Variants in ARHGAP31 observed in about 807,000 individuals in gnomAD.
ARHGAP31 encodes rho GTPase-activating protein 31.
A neutral mutation model predicts 113.9 loss-of-function variants in ARHGAP31; 34 were observed. The observed-to-expected ratio is 0.30, with a 90% confidence interval of 0.23 to 0.40. The LOEUF is 0.40. Ranked by LOEUF, ARHGAP31 falls within the 10% of genes least tolerant of loss-of-function variation. ARHGAP31 has a pLI of 1.00. For missense variants in ARHGAP31, 1,548 were observed against 1,767.1 expected (o/e 0.88, Z 2.22); for synonymous variants, 650 against 684.8 (o/e 0.95, Z 0.79).
At chr3:119,298,660 C>T (rs2079554391) in intron 1 of ARHGAP31, 2 of 152,452 alleles carry the variant, frequency 1.3e-5, no homozygotes, top group Admixed American at 1.3e-4. Context: ...TACCGAGCTT[C>T]CAAGCTGACA....
At position 119,415,884 on chromosome 3, in the gene ARHGAP31, G is replaced by A. The variant is rs761270658; in HGVS notation, c.3955G>A (p.Asp1319Asn). The A allele has an allele frequency of 1.9e-6, 3 of 1,614,080 alleles. No homozygotes were observed. In the African/African-American group the frequency reaches 4.0e-5, roughly 22 times the overall value. Reference protein sequence around the residue: ...KRMSETEPSGDNLLSSKLERP... With the variant: ...KRMSETEPSGNNLLSSKLERP... ...CATGTCAGAGACAGAGCCATCTGGG[G>A]ACAACCTTCTTTCTTCAAAACTAGA... is the stretch of plus-strand genomic sequence containing the variant. The change falls in exon 12 of 12, where the codon GAC becomes AAC. Residue 1319 changes from aspartate to asparagine, a missense_variant. Physicochemically the swap from Asp to Asn is conservative, Grantham distance 23. Coordinates refer to ENST00000264245, the MANE Select transcript of ARHGAP31 (RefSeq NM_020754.4).
At chr3:119,389,640 T>G (rs1488802119) in intron 6 of ARHGAP31, among the ~76,000 whole-genome samples, 1 of 152,188 alleles carries the variant, frequency 6.6e-6, no homozygotes, top group Admixed American at 6.5e-5. Context: ...AGGCCCTTTT[T>G]CAATGGTTTT....
At chr3:119,383,673 A>G (rs2080423179) in intron 6 of ARHGAP31, among the ~76,000 whole-genome samples, 1 of 152,210 alleles carries the variant, frequency 6.6e-6, no homozygotes, top group South Asian at 2.1e-4. Context: ...AAGAGGCAGC[A>G]TGTTCATACT....
At chr3:119,393,660 G>A (rs1485133689) in intron 8 of ARHGAP31, 69 bp downstream of exon 8, 5 of 1,582,228 alleles carry the variant, frequency 3.2e-6, no homozygotes, top group Non-Finnish European at 4.3e-6. Context: ...TAAGTCTTTG[G>A]TTTGATCATA....
intron 1 of ARHGAP31, among the ~76,000 whole-genome samples, chr3:119,317,004 C>T (rs1447999407): frequency 6.6e-6 from 1 of 152,180 alleles, no homozygotes; most frequent in Non-Finnish European, 1.5e-5. Context: ...AGGTTTACTC[C>T]AGAAGCTTTC....
intron 1 of ARHGAP31, chr3:119,330,092 A>T (rs1336724507): frequency 1.2e-6 from 1 of 841,072 alleles, no homozygotes; most frequent in Admixed American, 6.2e-5. Context: ...AACTGATCTA[A>T]TCACCCCAAT....
At position 119,294,458 on chromosome 3, in the gene ARHGAP31, G is replaced by C. The variant is rs988533168; in HGVS notation, c.-447G>C. 2.5e-6 allele frequency: 1 copy of C among 405,516 alleles called. No homozygotes were observed. The highest frequency in any genetic ancestry group is 4.4e-5 in the Admixed American group (1 of 22,888). The allele number at this position is 405,516 out of a possible 1,614,324, so 25.1% of individuals were successfully genotyped here. ...CAAAGTCGTCTGAAGGCGAGACAGC[G>C]GGCCCAGGGCGCAGGACCCACCGCA... On this transcript the variant is annotated 5_prime_UTR_variant, in exon 1 of 12. Transcript: ENST00000264245.
chr3:119,400,463 AT>A lies in ARHGAP31; in HGVS notation c.1069+1203del, dbSNP rs200765891. Among the ~76,000 whole-genome samples, 365 of 151,902 alleles carry A rather than the reference AT, an allele frequency of 2.4e-3. 2 individuals are homozygous for A. Among genetic ancestry groups the A allele is most frequent in the African/African-American group, 7.0e-3 (291 of 41,410 alleles). On this transcript the variant is annotated intron_variant, in intron 9 of 11. Transcript: ENST00000264245. ...CACTCCAGCCTGTCTCAAAAAAAAA[AT>A]AATAATAATTCTAAACCTGTATAAC...
At chr3:119,375,432 G>C (rs922951977) in intron 3 of ARHGAP31, among the ~76,000 whole-genome samples, 1 of 151,928 alleles carries the variant, frequency 6.6e-6, no homozygotes, top group Non-Finnish European at 1.5e-5. Context: ...CCTTTGCCCT[G>C]CTCCTATATA....
chr3:119,331,308 C>T (rs1465299071), intron 1 of ARHGAP31, among the ~76,000 whole-genome samples: 5 of 152,056 alleles, frequency 3.3e-5, no homozygotes, highest in South Asian at 2.1e-4. Context: ...GAAAAAAAGA[C>T]GATCAAAATC....
intron 1 of ARHGAP31, among the ~76,000 whole-genome samples, chr3:119,343,906 C>A (rs184502101): frequency 6.6e-6 from 1 of 152,218 alleles, no homozygotes; most frequent in Non-Finnish European, 1.5e-5. Context: ...AGTTCCTCCT[C>A]CTGGTGGAAG....
chr3:119,405,244 T>A (rs2107642432), intron 10 of ARHGAP31, among the ~76,000 whole-genome samples: 1 of 152,248 alleles, frequency 6.6e-6, no homozygotes, highest in East Asian at 1.9e-4. Context: ...ATTCTATTAG[T>A]TAAGGTACAG....
At chr3:119,303,646 G>A (rs951424053) in intron 1 of ARHGAP31, among the ~76,000 whole-genome samples, 7 of 152,110 alleles carry the variant, frequency 4.6e-5, no homozygotes, top group African/African-American at 9.7e-5. Flanking sequence ...ACCAGCTCTC[G>A]CTGTCATAGA....
At chr3:119,298,765 A>T in intron 1 of ARHGAP31, 1 of 166,716 alleles carries the variant, frequency 6.0e-6, no homozygotes, top group Non-Finnish European at 1.3e-5. Context: ...CCCAAGGACA[A>T]GGCTATTAAG....
At position 119,413,917 on chromosome 3, in the gene ARHGAP31, T is replaced by C. The variant is rs772179746; in HGVS notation, c.1988T>C (p.Ile663Thr). ...WPEIQQELKI[I>T]ESEEELSSLP... ...GAGATTCAACAGGAGCTGAAAATCATTGAATCTGAGGAGGAGCTCTCATCG... is the reference window on the plus strand; with the variant it reads ...GAGATTCAACAGGAGCTGAAAATCACTGAATCTGAGGAGGAGCTCTCATCG... Residue 663 changes from isoleucine (I) to threonine (T), a missense_variant, in exon 12 of 12, where the codon ATT becomes ACT. Ile to Thr is a moderately conservative substitution (Grantham distance 89, BLOSUM62 -1). Transcript: ENST00000264245. The C allele has an allele frequency of 1.2e-5, 19 of 1,614,222 alleles. No individual in the cohort carries two copies. Among genetic ancestry groups the C allele is most frequent in the Middle Eastern group, 1.6e-4 (1 of 6,062 alleles).
intron 8 of ARHGAP31, among the ~76,000 whole-genome samples, chr3:119,398,626 A>G (rs2080572269): frequency 6.6e-6 from 1 of 152,234 alleles, no homozygotes; most frequent in African/African-American, 2.4e-5. Flanking sequence ...GTCACAGAGT[A>G]AGTGTGCAAA....
chr3:119,380,877 C>A, intron 3 of ARHGAP31, 27 bp from the exon 4 acceptor site: 1 of 1,608,446 alleles, frequency 6.2e-7, no homozygotes. Flanking sequence ...AAGCACTCAC[C>A]AGGCTGCCTT....
chr3:119,392,228 G>A (rs146517580), intron 7 of ARHGAP31, among the ~76,000 whole-genome samples: 18,304 of 152,176 alleles, frequency 0.12, 1,208 homozygotes, highest in South Asian at 0.18. Flanking sequence ...TGGGAGGATC[G>A]TTTGAGCCCA....
chr3:119,413,056 C>A (rs971169954), intron 11 of ARHGAP31, among the ~76,000 whole-genome samples: 1 of 151,856 alleles, frequency 6.6e-6, no homozygotes, highest in Non-Finnish European at 1.5e-5. Context: ...GTGGCTCACA[C>A]CTGTTAATCC....
Sources: gnomAD v4.1 joint callset for allele counts (sites outside exome capture counted in the v4.1 genomes callset) on GRCh38, gnomAD v4.1.1 for gene constraint, MANE v1.5 for transcripts, NCBI Gene and HGNC (gene_info 2026-07-23, HGNC 2026-07-21) for gene names.